DNMBP: variants seen among roughly 807,000 people sequenced by gnomAD.
DNMBP encodes dynamin-binding protein.
Under a neutral mutation model 150.0 loss-of-function variants are expected in DNMBP, and 87 were observed. The ratio of observed to expected loss-of-function variants is 0.58; its 90% CI spans 0.49 to 0.69. DNMBP has a LOEUF of 0.69. DNMBP is among the 30% of genes least tolerant of loss of function. DNMBP has a pLI of 0.00. For synonymous variants in DNMBP, 711 were observed against 750.4 expected, an observed-to-expected ratio of 0.95 and a Z score of 0.86; for missense variants, 1,774 against 1,949.0, an observed-to-expected ratio of 0.91 and a Z score of 1.69.
Position 99,900,396 on chromosome 10 carries a change from C to A in DNMBP, c.2555-330G>T, listed in dbSNP as rs566594789. On this transcript the variant is annotated intron_variant, in intron 6 of 16. Transcript: ENST00000324109. The stretch of plus-strand genomic sequence containing the variant: ...CCAGACTCAGGTCGGTCCCTAGTAG[C>A]TGGGACCACGTGTGCATGCCACCAT... Among the ~76,000 whole-genome samples, 6 of 151,528 alleles carry A rather than the reference C, an allele frequency of 4.0e-5. No individual in the cohort carries two copies. In the East Asian group the frequency reaches 1.2e-3, roughly 30 times the overall value.
At chr10:99,994,289 A>G (rs1189010889) in intron 1 of DNMBP, among the ~76,000 whole-genome samples, 1 of 152,228 alleles carries the variant, frequency 6.6e-6, no homozygotes, top group Non-Finnish European at 1.5e-5. Flanking sequence ...CATAGGGCGT[A>G]TAAGGATTAA....
chr10:100,005,104 C>T (rs936814171), intron 1 of DNMBP, among the ~76,000 whole-genome samples: 1 of 152,044 alleles, frequency 6.6e-6, no homozygotes, highest in Non-Finnish European at 1.5e-5. Context: ...TGGAAAGAGG[C>T]GAGTGCTGGT....
chr10:99,997,640 CA>C (rs2040962867), intron 1 of DNMBP, among the ~76,000 whole-genome samples: 1 of 151,962 alleles, frequency 6.6e-6, no homozygotes, highest in Non-Finnish European at 1.5e-5. Flanking sequence ...AAATTACAAG[CA>C]AAAAATTTAA....
At chr10:99,966,577 C>T (rs1462143546) in intron 3 of DNMBP, among the ~76,000 whole-genome samples, 1 of 152,146 alleles carries the variant, frequency 6.6e-6, no homozygotes, top group Non-Finnish European at 1.5e-5. Flanking sequence ...TTCTCCATTC[C>T]ATCAGATATG....
chr10:99,885,553 G>A, intron 14 of DNMBP, 134 bp downstream of exon 14: 1 of 854,812 alleles, frequency 1.2e-6, no homozygotes. Context: ...CATGATGGGT[G>A]AGAATGCAAC....
At chr10:99,877,549 A>G (rs1047322623) in intron 16 of DNMBP, among the ~76,000 whole-genome samples, 1 of 152,152 alleles carries the variant, frequency 6.6e-6, no homozygotes, top group Non-Finnish European at 1.5e-5. Flanking sequence ...GATGGCTACC[A>G]TAATAGGGAT....
chr10:99,971,285 C>G (rs1006640964), intron 2 of DNMBP, among the ~76,000 whole-genome samples: 2 of 151,652 alleles, frequency 1.3e-5, no homozygotes, highest in African/African-American at 4.8e-5. Context: ...TTGACTTGGG[C>G]TTCCCATTTA....
At chr10:99,915,289 C>T (rs749524204) in intron 4 of DNMBP, among the ~76,000 whole-genome samples, 40 of 150,260 alleles carry the variant, frequency 2.7e-4, no homozygotes, top group Non-Finnish European at 4.4e-4. Flanking sequence ...GGAAAACACA[C>T]GAAATTCATC....
At chr10:100,005,933 A>C (rs1168477011) in intron 1 of DNMBP, among the ~76,000 whole-genome samples, 3 of 152,236 alleles carry the variant, frequency 2.0e-5, no homozygotes, top group East Asian at 3.8e-4. Flanking sequence ...CATGAGATGA[A>C]TGGGACAAGG....
chr10:99,940,086 A>G (rs1256582170), intron 4 of DNMBP, among the ~76,000 whole-genome samples: 1 of 152,196 alleles, frequency 6.6e-6, no homozygotes, highest in Non-Finnish European at 1.5e-5. Flanking sequence ...TCTTCATGCA[A>G]TGGCCTCAGT....
rs769222468 is a variant in DNMBP, at chr10:99,886,373, C to T, written c.3545G>A (p.Cys1182Tyr). The T allele has an allele frequency of 6.2e-7, 1 of 1,614,140 alleles. No individual in the cohort carries two copies. The highest frequency in any genetic ancestry group is 8.5e-7 in the Non-Finnish European group (1 of 1,180,032). The change falls in exon 13 of 17, where the codon TGT (cysteine) becomes TAT (tyrosine). Residue 1182 changes from cysteine (C) to tyrosine (Y), a missense_variant. This residue lies in a region of DNMBP where 1,430 missense variants were observed against 1,492.5 expected (regional missense o/e 0.96). Transcript: ENST00000324109. Reference sequence around the variant, plus strand: ...GTGGGCTTCAGCATAGCCGTGGACACAGTTGGTGAAGAGGCCCTGGGCGTA... The same window carrying T: ...GTGGGCTTCAGCATAGCCGTGGACATAGTTGGTGAAGAGGCCCTGGGCGTA... ...HQYAQGLFTNCVHGYAEAHCD... is the reference protein window; with the variant it reads ...HQYAQGLFTNYVHGYAEAHCD...
At chr10:99,903,335 GTTTT>G (rs2039774677) in intron 6 of DNMBP, among the ~76,000 whole-genome samples, 1 of 150,610 alleles carries the variant, frequency 6.6e-6, no homozygotes, top group Non-Finnish European at 1.5e-5. Context: ...CTTTTTTTTT[GTTTT>G]GTTTTTTTTT....
chr10:99,907,947 T>C (rs2039847012), intron 6 of DNMBP, 48 bp downstream of exon 6: 1 of 1,442,720 alleles, frequency 6.9e-7, no homozygotes, highest in Non-Finnish European at 9.7e-7. Flanking sequence ...CTCCTGCCCA[T>C]GAAGTTTTTT....
chr10:99,918,980 T>C (rs976279451), intron 4 of DNMBP, among the ~76,000 whole-genome samples: 6 of 152,206 alleles, frequency 3.9e-5, no homozygotes, highest in African/African-American at 1.4e-4. Flanking sequence ...GTTATCACTG[T>C]TTAATAAGCA....
At chr10:99,996,207 C>G (rs7908996) in intron 1 of DNMBP, among the ~76,000 whole-genome samples, 69,778 of 152,044 alleles carry the variant, frequency 0.46, 16,831 homozygotes, top group African/African-American at 0.61. Context: ...ACAAGAATAA[C>G]GTTTGAACAT....
intron 14 of DNMBP, 57 bp downstream of exon 14, chr10:99,885,630 G>A (rs961629501): frequency 6.2e-6 from 9 of 1,459,522 alleles, no homozygotes; most frequent in Non-Finnish European, 8.3e-6. Context: ...GGGCCTGGCT[G>A]CAGGGTTCCC....
chr10:99,897,516 A>G (rs1051676616), intron 9 of DNMBP, among the ~76,000 whole-genome samples: 2 of 152,222 alleles, frequency 1.3e-5, no homozygotes, highest in African/African-American at 4.8e-5. Flanking sequence ...AAAACTTCCC[A>G]TCACCTAGTC....
At chr10:99,913,696 A>G (rs2133254257) in intron 4 of DNMBP, among the ~76,000 whole-genome samples, 1 of 152,104 alleles carries the variant, frequency 6.6e-6, no homozygotes, top group Non-Finnish European at 1.5e-5. Context: ...CTTTCCGGTT[A>G]GTACATTATC....
At chr10:100,007,860 A>T (rs571140982) in intron 1 of DNMBP, among the ~76,000 whole-genome samples, 1 of 152,386 alleles carries the variant, frequency 6.6e-6, no homozygotes, top group African/African-American at 2.4e-5. Context: ...CTTGAAAATT[A>T]GCTTATTCAG....
Sources: allele counts gnomAD v4.1 joint callset (sites outside exome capture counted in the v4.1 genomes callset), GRCh38; gene constraint gnomAD v4.1.1; regional missense constraint gnomAD v4.1.1; transcripts MANE v1.5; gene names NCBI Gene and HGNC (gene_info 2026-07-23, HGNC 2026-07-21).